The following NPLOC4 variants were observed in gnomAD, a reference collection of about 807,000 sequenced individuals.
NPLOC4 encodes the protein nuclear protein localization protein 4 homolog.
In NPLOC4, 18 loss-of-function variants were observed where a neutral mutation model predicts 80.6. That is an observed-to-expected ratio of 0.22 (90% CI 0.15 to 0.33). NPLOC4 has a LOEUF of 0.33. Ranked by LOEUF, NPLOC4 falls within the 10% of genes least tolerant of loss-of-function variation. The pLI is 1.00. For synonymous variants in NPLOC4, 313 were observed against 301.5 expected (o/e 1.04, Z -0.39); for missense variants, 540 against 786.1 (o/e 0.69, Z 3.74).
At chr17:81,591,568 T>C (rs1422909896) in intron 11 of NPLOC4, among the ~76,000 whole-genome samples, 1 of 151,816 alleles carries the variant, frequency 6.6e-6, no homozygotes, top group Non-Finnish European at 1.5e-5. Context: ...AAAGCAGTTA[T>C]TTATAAAACT....
intron 10 of NPLOC4, 31 bp from the exon 11 acceptor site, chr17:81,596,273 T>G (rs1031561407): frequency 6.3e-7 from 1 of 1,590,664 alleles, no homozygotes; most frequent in African/African-American, 1.3e-5. Flanking sequence ...TATCAAATTT[T>G]ACAGCATCAT....
chr17:81,570,884 C>A (rs963709033), intron 13 of NPLOC4, among the ~76,000 whole-genome samples: 2 of 152,310 alleles, frequency 1.3e-5, no homozygotes, highest in South Asian at 4.1e-4. Flanking sequence ...TGCTCTCCCA[C>A]AAACAAGTAC....
At chr17:81,569,544 G>A (rs1416042715) in intron 13 of NPLOC4, among the ~76,000 whole-genome samples, 2 of 152,250 alleles carry the variant, frequency 1.3e-5, no homozygotes, top group Non-Finnish European at 2.9e-5. Context: ...AGAGAGATTC[G>A]TGTCATTGGA....
At chr17:81,590,229 G>C (rs1455382162) in intron 11 of NPLOC4, among the ~76,000 whole-genome samples, 1 of 152,184 alleles carries the variant, frequency 6.6e-6, no homozygotes, top group East Asian at 1.9e-4. Flanking sequence ...GCTCCTCCAT[G>C]GTTTCACCCT....
At chr17:81,634,154 G>T (rs1598700714) in intron 1 of NPLOC4, among the ~76,000 whole-genome samples, 1 of 151,286 alleles carries the variant, frequency 6.6e-6, no homozygotes, top group South Asian at 2.1e-4. Flanking sequence ...TTACAAACGT[G>T]AGCCACCACG....
chr17:81,609,353 T>G (rs2035285318), intron 5 of NPLOC4, among the ~76,000 whole-genome samples: 1 of 152,130 alleles, frequency 6.6e-6, no homozygotes, highest in African/African-American at 2.4e-5. Flanking sequence ...CTCATGCTGT[T>G]GCCCAGGTTG....
rs141112414 is a variant in NPLOC4, at chr17:81,560,435, G to A, written c.1670-1019C>T. 664 of 152,090 alleles carry A rather than the reference G, an allele frequency of 4.4e-3. 2 individuals carry two copies. Among genetic ancestry groups the A allele is most frequent in the Non-Finnish European group, 7.2e-3 (493 of 68,152 alleles). The allele number at this position is 152,090 out of a possible 1,614,324, so 9.4% of individuals were successfully genotyped here. On this transcript the variant is annotated intron_variant, in intron 16 of 16. Coordinates refer to ENST00000331134, the MANE Select transcript of NPLOC4 (RefSeq NM_017921.4). ...CTCAAAAACAAACAACAGGCCGGGC[G>A]CGGTGGCTCATGCCTGTAATCCCAG... is the stretch of plus-strand genomic sequence containing the variant.
chr17:81,627,983 C>T (rs921133511), intron 2 of NPLOC4, among the ~76,000 whole-genome samples: 2 of 151,810 alleles, frequency 1.3e-5, no homozygotes, highest in Admixed American at 6.6e-5. Flanking sequence ...GAGGCCAAGG[C>T]GGGCAGATCA....
intron 1 of NPLOC4, among the ~76,000 whole-genome samples, chr17:81,631,437 T>TATATATATATATATA (rs200897859): frequency 0.03 from 1,292 of 42,450 alleles, 21 homozygotes; most frequent in Admixed American, 0.047. Flanking sequence ...TATATATATA[T>TATATATATATATATA]TTTTTTTTTT....
At chr17:81,579,580 C>T (rs2034385760) in intron 12 of NPLOC4, among the ~76,000 whole-genome samples, 1 of 152,058 alleles carries the variant, frequency 6.6e-6, no homozygotes. Flanking sequence ...CATCCCATCG[C>T]TCCTGCCAGC....
At chr17:81,576,485 C>A (rs1314004758) in intron 12 of NPLOC4, among the ~76,000 whole-genome samples, 2 of 152,078 alleles carry the variant, frequency 1.3e-5, no homozygotes, top group Admixed American at 1.3e-4. Flanking sequence ...GTGGACTTGA[C>A]TATATATGGA....
chr17:81,618,491 G>A (rs2035568834), intron 3 of NPLOC4, among the ~76,000 whole-genome samples: 1 of 150,370 alleles, frequency 6.7e-6, no homozygotes, highest in African/African-American at 2.5e-5. Flanking sequence ...AAGGTGGGGG[G>A]TCAGCGACCC....
intron 8 of NPLOC4, among the ~76,000 whole-genome samples, chr17:81,603,385 C>G (rs891010050): frequency 5.3e-5 from 8 of 151,960 alleles, no homozygotes; most frequent in Non-Finnish European, 1.2e-4. Flanking sequence ...CACTTGAGGC[C>G]AGTAGTTCAA....
At chr17:81,563,079 CTT>C (rs1172733109) in intron 16 of NPLOC4, 14 of 143,994 alleles carry the variant, frequency 9.7e-5, no homozygotes, top group Admixed American at 1.4e-4. Flanking sequence ...AAGACCACAT[CTT>C]TTTTTTTTTT....
At position 81,613,133 on chromosome 17, in the gene NPLOC4, A is replaced by AAAC. The variant is rs560886573; in HGVS notation, c.386+184_386+185insGTT. 4.2e-5 allele frequency: 23 copies of AAAC among 543,346 alleles called. No individual in the cohort carries two copies. In the East Asian group the frequency reaches 6.3e-4, roughly 15 times the overall value. The allele number at this position is 543,346 out of a possible 1,614,324, so 33.7% of individuals were successfully genotyped here. ...GTGGAAACTGATAAAAAGCTAAAAA[A>AAAC]AAAAAACAAAAACCGATAAAAAGCT... On this transcript the variant is annotated intron_variant, in intron 4 of 16. Transcript: ENST00000331134.
At chr17:81,623,415 A>G (rs1344840443) in intron 2 of NPLOC4, among the ~76,000 whole-genome samples, 1 of 145,772 alleles carries the variant, frequency 6.9e-6, no homozygotes, top group Non-Finnish European at 1.5e-5. Flanking sequence ...CAGTGAGTCG[A>G]GATCATGCCA....
At chr17:81,576,297 TACAGTTG>T (rs1337461973) in intron 12 of NPLOC4, among the ~76,000 whole-genome samples, 2 of 152,170 alleles carry the variant, frequency 1.3e-5, no homozygotes, top group Non-Finnish European at 2.9e-5. Context: ...GGGAAAGAAT[TACAGTTG>T]GCCGTTGCAC....
At chr17:81,569,364 G>A (rs542408439) in intron 13 of NPLOC4, among the ~76,000 whole-genome samples, 6 of 152,306 alleles carry the variant, frequency 3.9e-5, no homozygotes, top group Admixed American at 2.0e-4. Flanking sequence ...CGGCCTCGAC[G>A]TCGGACAAAA....
intron 15 of NPLOC4, chr17:81,566,550 G>A (rs2034017677): frequency 6.6e-6 from 1 of 152,226 alleles, no homozygotes; most frequent in Non-Finnish European, 1.5e-5. Context: ...GACTAGGGAA[G>A]GCACAGGCAG....
Sources: gnomAD v4.1 joint callset for allele counts (sites outside exome capture counted in the v4.1 genomes callset) on GRCh38, gnomAD v4.1.1 for gene constraint, MANE v1.5 for transcripts, NCBI Gene and HGNC (gene_info 2026-07-23, HGNC 2026-07-21) for gene names.